IQCM: variants seen among roughly 807,000 people sequenced by gnomAD.
IQCM encodes IQ domain-containing protein M.
Under a neutral mutation model 57.6 loss-of-function variants are expected in IQCM, and 45 were observed. That is an observed-to-expected ratio of 0.78 (90% CI 0.62 to 1.00). IQCM has a LOEUF of 1.00. Among genes scored for constraint, IQCM ranks in the 50% least tolerant of loss-of-function variants. The pLI is 0.00. For missense variants in IQCM, 468 were observed against 511.6 expected (o/e 0.91, Z 0.82); for synonymous variants, 148 against 158.9 (o/e 0.93, Z 0.51).
intron 12 of IQCM, among the ~76,000 whole-genome samples, chr4:149,529,310 G>A (rs1289063062): frequency 2.0e-5 from 3 of 151,954 alleles, no homozygotes; most frequent in African/African-American, 7.3e-5. Flanking sequence ...AGTGATCTGC[G>A]GGCCTTGGCC....
At chr4:149,554,882 G>A (rs958525678) in intron 10 of IQCM, among the ~76,000 whole-genome samples, 2 of 150,582 alleles carry the variant, frequency 1.3e-5, no homozygotes, top group Admixed American at 1.3e-4. Context: ...TGTGTTTTTA[G>A]TAGAGACGGG....
chr4:149,520,141 T>G (rs1167858703), intron 12 of IQCM, among the ~76,000 whole-genome samples: 3 of 152,070 alleles, frequency 2.0e-5, no homozygotes, highest in Admixed American at 2.0e-4. Context: ...TGCTTATCTA[T>G]AGCCCAGGCA....
chr4:149,622,760 T>C (rs1453018891), intron 7 of IQCM, among the ~76,000 whole-genome samples: 4 of 152,170 alleles, frequency 2.6e-5, no homozygotes, highest in Non-Finnish European at 5.9e-5. Flanking sequence ...CTTACGTTTC[T>C]TATGAAGCCC....
Position 149,545,975 on chromosome 4 carries a change from G to A in IQCM, c.1228+2480C>T, listed in dbSNP as rs149176208. 9.4e-3 allele frequency among the ~76,000 whole-genome samples: 1,432 copies of A among 151,862 alleles called. 17 individuals carry two copies. The highest frequency in any genetic ancestry group is 0.033 in the African/African-American group (1,356 of 41,408). On this transcript the variant is annotated intron_variant, in intron 12 of 13. Coordinates refer to ENST00000636793, the MANE Select transcript of IQCM (RefSeq NM_001363507.2). Reference sequence around the variant, plus strand: ...TAATGCTATTCCTCCCCACTCCCCCGACCCCACGACAGGCCCCAGTGTGTG... The same window carrying A: ...TAATGCTATTCCTCCCCACTCCCCCAACCCCACGACAGGCCCCAGTGTGTG...
intron 5 of IQCM, among the ~76,000 whole-genome samples, chr4:149,707,581 A>T (rs1764252363): frequency 6.6e-6 from 1 of 151,734 alleles, no homozygotes; most frequent in Admixed American, 6.6e-5. Flanking sequence ...AAAGTGATAG[A>T]CTCCCCAAGC....
At chr4:149,575,022 G>T (rs1053247278) in intron 9 of IQCM, among the ~76,000 whole-genome samples, 2 of 151,852 alleles carry the variant, frequency 1.3e-5, no homozygotes, top group Non-Finnish European at 2.9e-5. Context: ...GATTAGACTA[G>T]CATGCCTGCT....
intron 13 of IQCM, chr4:149,429,970 G>C (rs773503509): frequency 7.4e-6 from 9 of 1,216,606 alleles, no homozygotes; most frequent in Non-Finnish European, 9.2e-6. Context: ...AGTGCAAATA[G>C]ACTCTAAACA....
chr4:149,569,366 A>T (rs1158422032), intron 9 of IQCM, among the ~76,000 whole-genome samples: 2 of 152,106 alleles, frequency 1.3e-5, no homozygotes, highest in African/African-American at 4.8e-5. Context: ...ACATTTTTAA[A>T]ACCTTGAGGT....
At chr4:149,449,254 GC>G (rs1203726840) in intron 12 of IQCM, among the ~76,000 whole-genome samples, 1 of 106,878 alleles carries the variant, frequency 9.4e-6, no homozygotes, top group Non-Finnish European at 1.9e-5. Context: ...ACAAAAAAAA[GC>G]AAAACACCTT....
chr4:149,448,807 T>A (rs1736778783), intron 12 of IQCM, among the ~76,000 whole-genome samples: 1 of 151,720 alleles, frequency 6.6e-6, no homozygotes, highest in African/African-American at 2.4e-5. Context: ...GCTGTACATA[T>A]GAAAGAAATT....
At chr4:149,370,987 C>T (rs749933357) in intron 13 of IQCM, among the ~76,000 whole-genome samples, 16 of 152,208 alleles carry the variant, frequency 1.1e-4, no homozygotes, top group African/African-American at 2.4e-4. Flanking sequence ...TTCTTATATG[C>T]GCATGACTCT....
chr4:149,759,046 C>T (rs371916773), intron 2 of IQCM, among the ~76,000 whole-genome samples: 57 of 152,266 alleles, frequency 3.7e-4, no homozygotes, highest in African/African-American at 1.1e-3. Context: ...GAAGCAACCA[C>T]GATATCCTTC....
At chr4:149,761,352 AAGTTTGGGCAAAGG>A (rs1477467643) in intron 2 of IQCM, among the ~76,000 whole-genome samples, 2 of 152,052 alleles carry the variant, frequency 1.3e-5, no homozygotes, top group Non-Finnish European at 2.9e-5. Flanking sequence ...GATGCTCAAT[AAGTTTGGGCAAAGG>A]TGAACTCATT....
At chr4:149,453,808 T>A (rs576499359) in intron 12 of IQCM, among the ~76,000 whole-genome samples, 1 of 151,862 alleles carries the variant, frequency 6.6e-6, no homozygotes, top group Non-Finnish European at 1.5e-5. Flanking sequence ...TAAGAGTTTG[T>A]CGGTTCTTCA....
At chr4:149,484,909 A>G (rs1018765323) in intron 12 of IQCM, among the ~76,000 whole-genome samples, 6 of 152,150 alleles carry the variant, frequency 3.9e-5, no homozygotes, top group African/African-American at 1.4e-4. Flanking sequence ...GCTTTTATCT[A>G]TCTGGGACAG....
intron 9 of IQCM, among the ~76,000 whole-genome samples, chr4:149,576,382 T>A (rs1407832797): frequency 2.0e-5 from 3 of 151,850 alleles, no homozygotes; most frequent in African/African-American, 7.2e-5. Flanking sequence ...TAGCTTGATT[T>A]GCTTTTTTGT....
intron 5 of IQCM, 61 bp downstream of exon 5, chr4:149,733,183 T>C: frequency 8.3e-7 from 1 of 1,208,856 alleles, no homozygotes; most frequent in Non-Finnish European, 1.0e-6. Context: ...TACAGGCACA[T>C]AAGAAACAAA....
intron 12 of IQCM, among the ~76,000 whole-genome samples, chr4:149,501,781 T>C (rs972601112): frequency 6.6e-6 from 1 of 152,190 alleles, no homozygotes; most frequent in African/African-American, 2.4e-5. Flanking sequence ...AGACTCTTGT[T>C]TGCCACTTGG....
At chr4:149,621,839 T>C (rs1756362698) in intron 7 of IQCM, among the ~76,000 whole-genome samples, 1 of 151,832 alleles carries the variant, frequency 6.6e-6, no homozygotes, top group Non-Finnish European at 1.5e-5. Context: ...ATTTAAGATT[T>C]ATTTGTCCAT....
Sources: gnomAD v4.1 joint callset for allele counts (sites outside exome capture counted in the v4.1 genomes callset) on GRCh38, gnomAD v4.1.1 for gene constraint, MANE v1.5 for transcripts, NCBI Gene and HGNC (gene_info 2026-07-23, HGNC 2026-07-21) for gene names.